HECTD4: variants seen among roughly 807,000 people sequenced by gnomAD.
HECTD4 encodes the protein probable E3 ubiquitin-protein ligase HECTD4.
HECTD4 carries 114 observed loss-of-function variants against 471.5 expected under a neutral mutation model. The ratio of observed to expected loss-of-function variants is 0.24; its 90% confidence interval spans 0.21 to 0.28. HECTD4 has a LOEUF of 0.28. Ranked by LOEUF, HECTD4 falls within the 10% of genes least tolerant of loss-of-function variation. The probability of loss-of-function intolerance (pLI) is 1.00; values close to 1 mark genes in which losing one functional copy is unlikely to be tolerated. For missense variants in HECTD4, 3,866 were observed against 5,651.5 expected, an observed-to-expected ratio of 0.68 and a Z score of 10.13; for synonymous variants, 2,012 against 2,256.0, an observed-to-expected ratio of 0.89 and a Z score of 3.07.
At chr12:112,169,287 G>A (rs1056952320) in intron 70 of HECTD4, among the ~76,000 whole-genome samples, 7 of 152,258 alleles carry the variant, frequency 4.6e-5, no homozygotes, top group Admixed American at 1.3e-4. Flanking sequence ...CAGAGGTGCC[G>A]TCCCCAAGCC....
intron 1 of HECTD4, among the ~76,000 whole-genome samples, chr12:112,325,934 C>T (rs948104909): frequency 5.3e-5 from 8 of 151,654 alleles, no homozygotes; most frequent in Non-Finnish European, 8.8e-5. Flanking sequence ...GTAGCTGGAA[C>T]CACAGGCCTG....
chr12:112,350,753 A>G (rs1292021595), intron 1 of HECTD4, among the ~76,000 whole-genome samples: 1 of 152,190 alleles, frequency 6.6e-6, no homozygotes, highest in East Asian at 1.9e-4. Context: ...CACACCCTCA[A>G]TGTTCATTCT....
chr12:112,205,461 C>T (rs1437917139), intron 52 of HECTD4, among the ~76,000 whole-genome samples: 1 of 151,946 alleles, frequency 6.6e-6, no homozygotes, highest in Non-Finnish European at 1.5e-5. Context: ...TAGAAAAAAC[C>T]GAAGTGTTCA....
Position 112,239,601 on chromosome 12 carries a change from G to A in HECTD4, c.5105+280C>T, listed in dbSNP as rs1056321143. On this transcript the variant is annotated intron_variant, in intron 33 of 75. Coordinates refer to ENST00000682272, the MANE Select transcript of HECTD4 (RefSeq NM_001388303.1). The surrounding 1 kb of genome is among the most constrained non-coding windows in gnomAD (Gnocchi z 4.9). Reference sequence around the variant, plus strand: ...AAATGTATATATGCAAAATATTTCTGCCAAATATGTAAGTAATTTCCTAGG... The same window carrying A: ...AAATGTATATATGCAAAATATTTCTACCAAATATGTAAGTAATTTCCTAGG... Among the ~76,000 whole-genome samples, 7 of 152,132 alleles carry A rather than the reference G, an allele frequency of 4.6e-5. No individual in the cohort carries two copies. Among genetic ancestry groups the A allele is most frequent in the African/African-American group, 1.7e-4 (7 of 41,422 alleles).
In HECTD4 at chr12:112,235,492, G is replaced by T; in HGVS notation, c.5725+12C>A. 1.9e-6 allele frequency: 3 copies of T among 1,598,016 alleles called. No homozygotes were observed. The highest frequency in any genetic ancestry group is 1.1e-5 in the South Asian group (1 of 88,424). On this transcript the variant is annotated intron_variant, in intron 36 of 75. Transcript: ENST00000682272. The surrounding 1 kb of genome is among the most constrained non-coding windows in gnomAD (Gnocchi z 5.0). ...CACTGCCATGCTACTCTCCTGTTGA[G>T]GAGCTTCTCACCTGGAACCACATAA...
Position 112,251,392 on chromosome 12 carries a change from T to C in HECTD4, c.3553-258A>G, listed in dbSNP as rs114999765. 3.0e-3 allele frequency among the ~76,000 whole-genome samples: 452 copies of C among 152,314 alleles called. 1 individual carries two copies. Among genetic ancestry groups the C allele is most frequent in the African/African-American group, 0.01 (421 of 41,558 alleles). On this transcript the variant is annotated intron_variant, in intron 23 of 75. Coordinates refer to ENST00000682272, the MANE Select transcript of HECTD4 (RefSeq NM_001388303.1). ...TATACAATAGTACAAATCAAATAAA[T>C]AGTACAAATGAAATAAAGAAGCCTG...
chr12:112,238,360 G>GTGTCACT (rs536051972), intron 34 of HECTD4, among the ~76,000 whole-genome samples: 208 of 152,206 alleles, frequency 1.4e-3, no homozygotes, highest in Middle Eastern at 3.4e-3. Flanking sequence ...CTATAGGCAC[G>GTGTCACT]TGTCACTGCA....
chr12:112,334,886 C>T (rs1169269087), intron 1 of HECTD4, among the ~76,000 whole-genome samples: 1 of 150,558 alleles, frequency 6.6e-6, no homozygotes, highest in Non-Finnish European at 1.5e-5. Context: ...GAACAAGGAA[C>T]ACTTCTGCAT....
At chr12:112,221,772 T>G (rs1176005342) in intron 44 of HECTD4, among the ~76,000 whole-genome samples, 1 of 151,266 alleles carries the variant, frequency 6.6e-6, no homozygotes, top group Non-Finnish European at 1.5e-5. Flanking sequence ...TTTTTTTTTT[T>G]GAGATGGAGT....
intron 1 of HECTD4, among the ~76,000 whole-genome samples, chr12:112,343,037 A>C (rs1200399967): frequency 1.3e-5 from 2 of 152,104 alleles, no homozygotes; most frequent in African/African-American, 4.8e-5. Context: ...TCCTTCTTTT[A>C]TGTTCAAAAT....
chr12:112,263,709 A>T (rs920364227), intron 17 of HECTD4, among the ~76,000 whole-genome samples: 6 of 136,340 alleles, frequency 4.4e-5, no homozygotes, highest in African/African-American at 1.1e-4. Flanking sequence ...CAAGATTTTT[A>T]TATATATATA....
chr12:112,271,898 T>C (rs771000210), intron 11 of HECTD4, among the ~76,000 whole-genome samples: 4 of 152,236 alleles, frequency 2.6e-5, no homozygotes, highest in African/African-American at 9.6e-5. Context: ...GTATTTATAA[T>C]GGCTGCTTTA....
chr12:112,234,113 A>G (rs2033447489), intron 37 of HECTD4, among the ~76,000 whole-genome samples: 1 of 152,152 alleles, frequency 6.6e-6, no homozygotes, highest in African/African-American at 2.4e-5. Flanking sequence ...ATTTTCAACT[A>G]TCTCACCTAT....
chr12:112,173,294 G>A lies in HECTD4; in HGVS notation c.11595-433C>T, dbSNP rs1022506162. ...CAGCCTTGAACTCCTGGACTCAAGC[G>A]ATCCTCCCACCTCAGCCTCCCCAGT... is the stretch of plus-strand genomic sequence containing the variant. On this transcript the variant is annotated intron_variant, in intron 66 of 75. Transcript: ENST00000682272. The surrounding 1 kb of genome is among the most constrained non-coding windows in gnomAD (Gnocchi z 4.3). Among the ~76,000 whole-genome samples the A allele has an allele frequency of 1.3e-4, 20 of 152,014 alleles. No homozygotes were observed. The highest frequency in any genetic ancestry group is 2.6e-4 in the Non-Finnish European group (18 of 67,980).
chr12:112,329,478 G>A (rs142802333), intron 1 of HECTD4, among the ~76,000 whole-genome samples: 7,806 of 150,170 alleles, frequency 0.052, 267 homozygotes, highest in South Asian at 0.093. Context: ...AATGATTCTC[G>A]TGCCTCAGCC....
Position 112,179,810 on chromosome 12 carries a change from T to A in HECTD4, c.10988-413A>T, listed in dbSNP as rs2031600131. The stretch of plus-strand genomic sequence containing the variant: ...GGGGCTATTTATCATAGCAGTTTAG[T>A]CTAGAATAATCCCAGAGGATAGATA... On this transcript the variant is annotated intron_variant, in intron 62 of 75. Transcript: ENST00000682272. The surrounding 1 kb of genome is among the most constrained non-coding windows in gnomAD (Gnocchi z 4.3). Among the ~76,000 whole-genome samples the A allele has an allele frequency of 6.6e-6, 1 of 152,196 alleles. No individual in the cohort carries two copies. The highest frequency in any genetic ancestry group is 1.5e-5 in the Non-Finnish European group (1 of 68,028).
chr12:112,380,125 T>C (rs1400516325), intron 1 of HECTD4, among the ~76,000 whole-genome samples: 1 of 152,224 alleles, frequency 6.6e-6, no homozygotes, highest in African/African-American at 2.4e-5. Context: ...ATTTTGGTTC[T>C]GTGAACTTGG....
At chr12:112,170,728 CAAAA>C in intron 68 of HECTD4, 3 of 490,960 alleles carry the variant, frequency 6.1e-6, no homozygotes, top group Non-Finnish European at 1.1e-5. Context: ...TAAAAAAAGA[CAAAA>C]AGCTGTGTGT....
chr12:112,291,994 T>C (rs1449928245), intron 7 of HECTD4, among the ~76,000 whole-genome samples: 1 of 152,244 alleles, frequency 6.6e-6, no homozygotes, highest in African/African-American at 2.4e-5. Flanking sequence ...TCTGGCTTTA[T>C]TCTTTACCCC....
Sources: gnomAD v4.1 joint callset for allele counts (sites outside exome capture counted in the v4.1 genomes callset) on GRCh38, gnomAD v4.1.1 for gene constraint, Gnocchi (gnomAD v3.1) non-coding constraint, MANE v1.5 for transcripts, NCBI Gene and HGNC (gene_info 2026-07-23, HGNC 2026-07-21) for gene names.